RAB3GAP1: variants seen among roughly 807,000 people sequenced by gnomAD.
RAB3GAP1 encodes RAB3 GTPase activating protein catalytic subunit 1, also known as rab3 GTPase-activating protein catalytic subunit.
RAB3GAP1 carries 86 observed loss-of-function variants against 130.7 expected under a neutral mutation model. The ratio of observed to expected loss-of-function variants is 0.66; its 90% CI spans 0.55 to 0.79. The LOEUF (loss-of-function observed/expected upper bound fraction) is 0.79. Among genes scored for constraint, RAB3GAP1 ranks in the 30% least tolerant of loss-of-function variants. RAB3GAP1 has a pLI of 0.00. For missense variants in RAB3GAP1, 1,029 were observed against 1,169.4 expected (o/e 0.88, Z 1.75); for synonymous variants, 367 against 401.7 (o/e 0.91, Z 1.03).
At position 135,168,916 on chromosome 2, in the gene RAB3GAP1, C is replaced by T. The variant is rs10170125; in HGVS notation, c.*135C>T. ...GGGTGATCAGGAATCAAACCAGCATCGGAAAGACTTCCCAGCACCAAGCTT... is the reference window on the plus strand; with the variant it reads ...GGGTGATCAGGAATCAAACCAGCATTGGAAAGACTTCCCAGCACCAAGCTT... On this transcript the variant is annotated 3_prime_UTR_variant, in exon 24 of 24. Coordinates refer to ENST00000264158, the MANE Select transcript of RAB3GAP1 (RefSeq NM_012233.3). The T allele has an allele frequency of 5.0e-6, 4 of 804,312 alleles. No individual in the cohort carries two copies. The highest frequency in any genetic ancestry group is 1.8e-5 in the Admixed American group (1 of 55,142). 49.8% of individuals were successfully genotyped at this position (804,312 alleles called of 1,614,324 possible).
At chr2:135,175,449 C>T (rs1165639646), downstream of RAB3GAP1, 1 of 152,198 alleles carries the variant, frequency 6.6e-6, no homozygotes, top group Non-Finnish European at 1.5e-5. Context: ...AAGGATCCAG[C>T]TGGGTTGTAA....
intron 5 of RAB3GAP1, among the ~76,000 whole-genome samples, chr2:135,103,006 G>GAACAAAAAAAA (rs1690491791): frequency 1.4e-5 from 1 of 70,712 alleles, no homozygotes; most frequent in African/African-American, 6.5e-5. Flanking sequence ...GACTCCGTCT[G>GAACAAAAAAAA]AAAAAAAAAA....
chr2:135,162,335 TAAGA>T, intron 19 of RAB3GAP1: 1 of 538,996 alleles, frequency 1.9e-6, no homozygotes, highest in Non-Finnish European at 3.3e-6. Flanking sequence ...GTGTATTACA[TAAGA>T]AAGCAGAAAA....
Position 135,130,091 on chromosome 2 carries a change from A to G in RAB3GAP1, c.1066+4A>G, listed in dbSNP as rs1387995231. 4 of 1,606,908 alleles carry G rather than the reference A, an allele frequency of 2.5e-6. No individual in the cohort carries two copies. Among genetic ancestry groups the G allele is most frequent in the African/African-American group, 2.7e-5 (2 of 74,824 alleles). On this transcript the variant is annotated splice_donor_region_variant and intron_variant, in intron 12 of 23. Transcript: ENST00000264158. ...GCATTTGAGGAAGAAGGCAAAGGTA[A>G]CCTACATTTTTTTTTAACATTACTT...
intron 8 of RAB3GAP1, 101 bp downstream of exon 8, chr2:135,121,019 A>C: frequency 1.1e-6 from 1 of 882,890 alleles, no homozygotes; most frequent in Non-Finnish European, 1.9e-6. Context: ...AGTGTTTTAC[A>C]TTAGAAATAT....
chr2:135,061,419 T>G (rs999114534), intron 3 of RAB3GAP1, among the ~76,000 whole-genome samples: 16 of 152,234 alleles, frequency 1.1e-4, no homozygotes, highest in Non-Finnish European at 1.9e-4. Flanking sequence ...TTGCTATACA[T>G]TCTCACCAAC....
intron 5 of RAB3GAP1, among the ~76,000 whole-genome samples, chr2:135,107,021 C>T: frequency 6.8e-6 from 1 of 146,478 alleles, no homozygotes; most frequent in East Asian, 2.1e-4. Context: ...TACTAGAGAA[C>T]AATACCCTTG....
At chr2:135,153,065 T>C (rs1489670047) in intron 18 of RAB3GAP1, 3 of 154,548 alleles carry the variant, frequency 1.9e-5, no homozygotes, top group Admixed American at 1.9e-4. Context: ...TAATTTGTTA[T>C]ATAAAGTACA....
At chr2:135,109,643 G>A (rs938504713) in intron 5 of RAB3GAP1, among the ~76,000 whole-genome samples, 2 of 151,494 alleles carry the variant, frequency 1.3e-5, no homozygotes, top group South Asian at 4.2e-4. Flanking sequence ...GTGCAGTGGC[G>A]CAATCTCGGC....
chr2:135,150,633 A>C, intron 18 of RAB3GAP1, 127 bp downstream of exon 18: 1 of 1,198,014 alleles, frequency 8.3e-7, no homozygotes, highest in Non-Finnish European at 1.2e-6. Context: ...TTTCATTAGT[A>C]GTTCAACACT....
At chr2:135,119,613 A>C (rs1471718001) in intron 7 of RAB3GAP1, among the ~76,000 whole-genome samples, 2 of 152,214 alleles carry the variant, frequency 1.3e-5, no homozygotes, top group African/African-American at 2.4e-5. Context: ...CAGGAGCCCA[A>C]AACTGAATTA....
intron 5 of RAB3GAP1, among the ~76,000 whole-genome samples, chr2:135,106,128 G>T (rs1001215659): frequency 6.6e-6 from 1 of 151,434 alleles, no homozygotes; most frequent in Admixed American, 6.6e-5. Context: ...CAGCCGCCCC[G>T]TCCAGGAGGT....
Position 135,126,652 on chromosome 2 carries a change from G to GC in RAB3GAP1, c.970dup (p.Leu324ProfsTer3), listed in dbSNP as rs1231893162. 6.2e-7 allele frequency: 1 copy of GC among 1,608,564 alleles called. No homozygotes were observed. Among genetic ancestry groups the GC allele is most frequent in the Non-Finnish European group, 8.5e-7 (1 of 1,175,020 alleles). On this transcript the variant is annotated frameshift_variant, in exon 11 of 24. Transcript: ENST00000264158. LOFTEE classifies it high-confidence loss of function. ...GAAAAGCTGAGAATCCTCAGTGTTT[G>GC]CTAGGTAAGGTATATTATGCTCCTT...
chr2:135,064,424 G>A (rs1689260295), intron 3 of RAB3GAP1, among the ~76,000 whole-genome samples: 1 of 151,906 alleles, frequency 6.6e-6, no homozygotes, highest in Non-Finnish European at 1.5e-5. Context: ...TCTTGATTTC[G>A]AGTTCATTTT....
At chr2:135,080,667 G>T (rs910005097) in intron 3 of RAB3GAP1, among the ~76,000 whole-genome samples, 33 of 152,178 alleles carry the variant, frequency 2.2e-4, no homozygotes, top group African/African-American at 7.7e-4. Context: ...TCACTTAACA[G>T]TTGGCTGTGT....
At chr2:135,127,453 C>T (rs960877010) in intron 11 of RAB3GAP1, among the ~76,000 whole-genome samples, 1 of 152,008 alleles carries the variant, frequency 6.6e-6, no homozygotes, top group Non-Finnish European at 1.5e-5. Context: ...ACGCCATTCT[C>T]CTGCTTCAGC....
At chr2:135,069,049 CT>C (rs1689399133) in intron 3 of RAB3GAP1, among the ~76,000 whole-genome samples, 1 of 152,228 alleles carries the variant, frequency 6.6e-6, no homozygotes, top group African/African-American at 2.4e-5. Flanking sequence ...GACTCTTAAC[CT>C]TTTTTATGGT....
chr2:135,158,996 G>T (rs944896117), intron 19 of RAB3GAP1, among the ~76,000 whole-genome samples: 1 of 152,186 alleles, frequency 6.6e-6, no homozygotes, highest in African/African-American at 2.4e-5. Flanking sequence ...GCATATTAAA[G>T]ACACAGGAGC....
At chr2:135,168,045 T>G (rs143313171) in intron 23 of RAB3GAP1, among the ~76,000 whole-genome samples, 95 of 152,322 alleles carry the variant, frequency 6.2e-4, no homozygotes, top group African/African-American at 2.2e-3. Context: ...CACTTCGGCA[T>G]CACATTAGCT....
Sources: allele counts gnomAD v4.1 joint callset (sites outside exome capture counted in the v4.1 genomes callset), GRCh38; gene constraint gnomAD v4.1.1; transcripts MANE v1.5; gene names NCBI Gene and HGNC (gene_info 2026-07-23, HGNC 2026-07-21).